The following CD2AP variants were observed in gnomAD, a reference collection of about 807,000 sequenced individuals.
CD2AP encodes CD2-associated protein.
CD2AP carries 46 observed loss-of-function variants against 85.1 expected under a neutral mutation model. That is an observed-to-expected ratio of 0.54 (90% CI 0.43 to 0.69). The LOEUF (loss-of-function observed/expected upper bound fraction) is 0.69, where lower values mean the gene tolerates loss of function less well. Among genes scored for constraint, CD2AP ranks in the 30% least tolerant of loss-of-function variants. CD2AP has a pLI of 0.00. For synonymous variants in CD2AP, 255 were observed against 252.9 expected, an observed-to-expected ratio of 1.01 and a Z score of -0.08; for missense variants, 769 against 729.5, an observed-to-expected ratio of 1.05 and a Z score of -0.62.
chr6:47,611,198 AT>A (rs1046713318), intron 16 of CD2AP, among the ~76,000 whole-genome samples: 2 of 151,308 alleles, frequency 1.3e-5, no homozygotes, highest in African/African-American at 2.4e-5. Flanking sequence ...ATATGAATTA[AT>A]CTAAACATTG....
At chr6:47,497,147 G>A (rs1346147261) in intron 1 of CD2AP, among the ~76,000 whole-genome samples, 2 of 148,732 alleles carry the variant, frequency 1.3e-5, no homozygotes, top group Non-Finnish European at 3.0e-5. Context: ...ACCATGTCGT[G>A]TTTTTTTTTT....
chr6:47,557,914 G>A (rs919226543), intron 5 of CD2AP, among the ~76,000 whole-genome samples: 8 of 152,218 alleles, frequency 5.3e-5, no homozygotes, highest in Admixed American at 2.0e-4. Context: ...AATTACTTTG[G>A]GCAGTATGGC....
intron 2 of CD2AP, among the ~76,000 whole-genome samples, chr6:47,513,903 C>A (rs1425863637): frequency 7.0e-6 from 1 of 142,824 alleles, no homozygotes; most frequent in South Asian, 2.2e-4. Flanking sequence ...GGGGGGGGGG[C>A]TAGCCTTACA....
At chr6:47,536,364 C>G (rs1767044488) in intron 3 of CD2AP, among the ~76,000 whole-genome samples, 1 of 151,844 alleles carries the variant, frequency 6.6e-6, no homozygotes, top group South Asian at 2.1e-4. Context: ...TAAAAAAACC[C>G]AAAACCATTG....
chr6:47,478,822 C>T (rs890972596), intron 1 of CD2AP, among the ~76,000 whole-genome samples: 10 of 152,050 alleles, frequency 6.6e-5, no homozygotes, highest in Admixed American at 5.2e-4. Flanking sequence ...AGTGTGTTGG[C>T]ACCTAAGCAT....
intron 2 of CD2AP, among the ~76,000 whole-genome samples, chr6:47,529,202 A>G (rs62410688): frequency 1.7e-4 from 8 of 45,834 alleles, no homozygotes; most frequent in African/African-American, 8.2e-4. Flanking sequence ...CCCCCCCCCA[A>G]CTTATTGCAC....
intron 2 of CD2AP, among the ~76,000 whole-genome samples, chr6:47,527,218 G>A: frequency 6.6e-6 from 1 of 152,150 alleles, no homozygotes; most frequent in African/African-American, 2.4e-5. Context: ...AGGCATAAAT[G>A]CCTGGAGAAG....
At chr6:47,552,990 ATT>A (rs35305333) in intron 4 of CD2AP, among the ~76,000 whole-genome samples, 2 of 148,242 alleles carry the variant, frequency 1.3e-5, no homozygotes, top group Non-Finnish European at 3.0e-5. Flanking sequence ...GGGGGGGAGC[ATT>A]TTTTTTTTAT....
At chr6:47,493,496 C>T (rs1322141099) in intron 1 of CD2AP, among the ~76,000 whole-genome samples, 1 of 151,722 alleles carries the variant, frequency 6.6e-6, no homozygotes, top group South Asian at 2.1e-4. Flanking sequence ...TAAAGATTTT[C>T]TCTGCCTTTG....
chr6:47,488,025 CTTTTTTT>C (rs35093088), intron 1 of CD2AP, among the ~76,000 whole-genome samples: 1 of 127,630 alleles, frequency 7.8e-6, no homozygotes, highest in African/African-American at 2.9e-5. Context: ...GGATGAGATC[CTTTTTTT>C]TTTTTTTTTT....
rs192539108 is a variant in CD2AP, at chr6:47,523,263, C to G, written c.166-10339C>G. Among the ~76,000 whole-genome samples, 4 of 152,066 alleles carry G rather than the reference C, an allele frequency of 2.6e-5. 1 individual carries two copies. The East Asian group carries it at 7.7e-4, about 29-fold the overall frequency. On this transcript the variant is annotated intron_variant, in intron 2 of 17. Coordinates refer to ENST00000359314, the MANE Select transcript of CD2AP (RefSeq NM_012120.3). ...TTGGAGACAGATTAAGGGAGAAAAC[C>G]TTGCAGATATTGGAATATTAAATGG... is the stretch of plus-strand genomic sequence containing the variant.
At chr6:47,609,454 A>T in intron 16 of CD2AP, 150 bp downstream of exon 16, 1 of 495,904 alleles carries the variant, frequency 2.0e-6, no homozygotes, top group East Asian at 4.2e-5. Flanking sequence ...AGTTTGGAGG[A>T]TTGCTTGAGT....
chr6:47,588,721 C>G (rs535982234), intron 11 of CD2AP, among the ~76,000 whole-genome samples: 1 of 152,220 alleles, frequency 6.6e-6, no homozygotes, highest in South Asian at 2.1e-4. Context: ...ATTCTGCCAT[C>G]CTCAGTGTAC....
intron 8 of CD2AP, among the ~76,000 whole-genome samples, chr6:47,578,868 G>A (rs1323697153): frequency 6.6e-6 from 1 of 151,916 alleles, no homozygotes; most frequent in African/African-American, 2.4e-5. Context: ...TGTTGGTCAG[G>A]CTGGTCTCAA....
rs543255322 is a variant in CD2AP, at chr6:47,625,109, C to G, written c.*882C>G. On this transcript the variant is annotated 3_prime_UTR_variant, in exon 18 of 18. Transcript: ENST00000359314. Reference sequence around the variant, plus strand: ...ATGTAAACACCAGCCTGTTGCTGTACTTTTCTGCTTATTTTACAGCCTCAA... The same window carrying G: ...ATGTAAACACCAGCCTGTTGCTGTAGTTTTCTGCTTATTTTACAGCCTCAA... The G allele has an allele frequency of 6.6e-6, 1 of 152,022 alleles. No individual in the cohort carries two copies. Among genetic ancestry groups the G allele is most frequent in the Admixed American group, 6.5e-5 (1 of 15,280 alleles). The allele number at this position is 152,022 out of a possible 1,614,324, so 9.4% of individuals were successfully genotyped here.
In CD2AP at chr6:47,582,048, T is replaced by A; in HGVS notation, c.1091T>A (p.Leu364Ter). The change falls in exon 11 of 18, where the codon TTA becomes TAA. Residue 364 changes from leucine to a stop codon, truncating the protein, a stop_gained. Transcript: ENST00000359314. LOFTEE classifies it high-confidence loss of function. ...LIAAEKKYFS[L>*]KPEEKDEKST... ...GCTGCAGAGAAGAAATATTTTTCTT[T>A]AAAGCCTGAAGAAAAGGGTGAGGCT... The A allele has an allele frequency of 6.2e-7, 1 of 1,603,024 alleles. No homozygotes were observed. Among genetic ancestry groups the A allele is most frequent in the Non-Finnish European group, 8.5e-7 (1 of 1,170,102 alleles).
chr6:47,482,343 G>A (rs918890423), intron 1 of CD2AP, among the ~76,000 whole-genome samples: 1 of 150,400 alleles, frequency 6.6e-6, no homozygotes, highest in Admixed American at 6.6e-5. Context: ...ATAGTTTCCT[G>A]TAGAAATGAG....
At chr6:47,524,608 G>A (rs1202202275) in intron 2 of CD2AP, among the ~76,000 whole-genome samples, 1 of 92,026 alleles carries the variant, frequency 1.1e-5, no homozygotes, top group Non-Finnish European at 2.8e-5. Flanking sequence ...AAGTTCTTAA[G>A]TGTTTTTTTT....
chr6:47,488,203 A>AC (rs1765617874), intron 1 of CD2AP, among the ~76,000 whole-genome samples: 1 of 152,160 alleles, frequency 6.6e-6, no homozygotes, highest in Non-Finnish European at 1.5e-5. Flanking sequence ...GCAGAGAGAG[A>AC]CATTTCTGTA....
Sources: gnomAD v4.1 joint callset for allele counts (sites outside exome capture counted in the v4.1 genomes callset) on GRCh38, gnomAD v4.1.1 for gene constraint, MANE v1.5 for transcripts, NCBI Gene and HGNC (gene_info 2026-07-23, HGNC 2026-07-21) for gene names.